The following LINGO2 variants were observed in gnomAD, a reference collection of about 807,000 sequenced individuals.
LINGO2 encodes leucine rich repeat and Ig domain containing 2, also known as leucine-rich repeat and immunoglobulin-like domain-containing nogo receptor-interacting protein 2.
In LINGO2, 14 loss-of-function variants were observed where a neutral mutation model predicts 30.6. The observed-to-expected ratio is 0.46, with a 90% confidence interval of 0.30 to 0.72. The LOEUF (loss-of-function observed/expected upper bound fraction) is 0.72. LINGO2 is among the 30% of genes least tolerant of loss of function. The pLI, the probability that LINGO2 is intolerant of heterozygous loss-of-function variation, is 0.07. For synonymous variants in LINGO2, 317 were observed against 288.5 expected (o/e 1.10, Z -1.00); for missense variants, 729 against 751.7 (o/e 0.97, Z 0.35).
chr9:28,842,059 A>G, the LINGO2 span, among the ~76,000 whole-genome samples: 1 of 151,822 alleles, frequency 6.6e-6, no homozygotes, highest in Non-Finnish European at 1.5e-5. Context: ...CTATGTGGAC[A>G]TATGAAACTG....
chr9:28,544,265 T>G (rs893331378), intron 1 of LINGO2, among the ~76,000 whole-genome samples: 2 of 152,092 alleles, frequency 1.3e-5, no homozygotes, highest in African/African-American at 4.8e-5. Context: ...AATGGCATAA[T>G]TTTGAAGACC....
chr9:28,833,246 C>G, the LINGO2 span, among the ~76,000 whole-genome samples: 3 of 152,146 alleles, frequency 2.0e-5, no homozygotes, highest in African/African-American at 7.2e-5. Flanking sequence ...ATATACCCCT[C>G]TTTTGTAGTA....
the LINGO2 span, among the ~76,000 whole-genome samples, chr9:28,696,735 G>T: frequency 4.0e-5 from 6 of 151,758 alleles, no homozygotes; most frequent in African/African-American, 1.5e-4. Context: ...TATACAAGGA[G>T]GATTCAAACA....
At chr9:29,072,632 A>ATATATATATATAT in the LINGO2 span, among the ~76,000 whole-genome samples, 1 of 112,138 alleles carries the variant, frequency 8.9e-6, no homozygotes, top group Non-Finnish European at 1.9e-5. Context: ...TATATATATC[A>ATATATATATATAT]AGAGTCCTAA....
intron 4 of LINGO2, among the ~76,000 whole-genome samples, chr9:28,153,595 G>A (rs1263060970): frequency 6.6e-6 from 1 of 152,102 alleles, no homozygotes; most frequent in Non-Finnish European, 1.5e-5. Flanking sequence ...TTCAACATTT[G>A]ACCAAAGTGA....
intron 4 of LINGO2, among the ~76,000 whole-genome samples, chr9:28,294,599 C>T (rs777925474): frequency 6.6e-6 from 1 of 152,054 alleles, no homozygotes; most frequent in Non-Finnish European, 1.5e-5. Flanking sequence ...GAAGAGTTTC[C>T]AGCATGTAAT....
At chr9:28,731,970 T>C in the LINGO2 span, among the ~76,000 whole-genome samples, 1 of 152,162 alleles carries the variant, frequency 6.6e-6, no homozygotes, top group Non-Finnish European at 1.5e-5. Context: ...TGCCAATTTA[T>C]TGTTAATGGT....
chr9:29,056,067 T>C, the LINGO2 span, among the ~76,000 whole-genome samples: 2 of 151,948 alleles, frequency 1.3e-5, no homozygotes, highest in African/African-American at 4.8e-5. Flanking sequence ...AATGTTCTGC[T>C]ATAAACATTC....
intron 4 of LINGO2, among the ~76,000 whole-genome samples, chr9:28,211,288 T>C (rs1302911446): frequency 8.1e-6 from 1 of 122,902 alleles, no homozygotes; most frequent in East Asian, 2.4e-4. Context: ...TCCAAATTCC[T>C]TTTTTTTTTT....
At chr9:28,990,874 T>C in the LINGO2 span, among the ~76,000 whole-genome samples, 1 of 151,940 alleles carries the variant, frequency 6.6e-6, no homozygotes, top group Non-Finnish European at 1.5e-5. Context: ...ATCATCACCA[T>C]CATCAAAGAC....
intron 4 of LINGO2, among the ~76,000 whole-genome samples, chr9:28,283,478 T>C (rs1342586837): frequency 6.6e-6 from 1 of 152,138 alleles, no homozygotes; most frequent in Non-Finnish European, 1.5e-5. Context: ...AAAAAGTAAA[T>C]TATACAATAT....
chr9:28,736,797 AATACATACATACATATATAC>A, the LINGO2 span, among the ~76,000 whole-genome samples: 1 of 152,254 alleles, frequency 6.6e-6, no homozygotes, highest in African/African-American at 2.4e-5. Flanking sequence ...TCACAAAATA[AATACATACATACATATATAC>A]ATACATACAT....
chr9:28,077,780 A>G (rs1825667879), intron 4 of LINGO2, among the ~76,000 whole-genome samples: 1 of 145,194 alleles, frequency 6.9e-6, no homozygotes, highest in Non-Finnish European at 1.5e-5. Context: ...ATATGGTTGT[A>G]AAAAAAGAAA....
chr9:28,167,139 A>ACC (rs35331376), intron 4 of LINGO2, among the ~76,000 whole-genome samples: 31 of 105,022 alleles, frequency 3.0e-4, no homozygotes, highest in South Asian at 7.0e-4. Flanking sequence ...TTAATATAGC[A>ACC]CCCCCCCCCC....
rs993668217 is a variant in LINGO2 at position 28,032,844 on chromosome 9, C to T, written c.-86-20439G>A. On this transcript the variant is annotated intron_variant, in intron 4 of 5. Transcript: ENST00000379992. ...AGTAGATGGTGCCACATCAGGGAAA[C>T]ACTGTACAACAGAAGGGATACAATT... Among the ~76,000 whole-genome samples, 9 of 152,308 alleles carry T rather than the reference C, an allele frequency of 5.9e-5. No individual in the cohort carries two copies. The East Asian group carries it at 1.2e-3, about 20-fold the overall frequency.
At chr9:28,639,982 T>C (rs922264896) in intron 1 of LINGO2, among the ~76,000 whole-genome samples, 23 of 152,282 alleles carry the variant, frequency 1.5e-4, no homozygotes, top group Middle Eastern at 6.8e-3. Context: ...CCATGTTTAG[T>C]GCTTCCTTCA....
At chr9:27,945,201 C>A (rs968834738), downstream of LINGO2, among the ~76,000 whole-genome samples, 4 of 152,094 alleles carry the variant, frequency 2.6e-5, no homozygotes, top group African/African-American at 9.7e-5. Context: ...TGGGACTTTA[C>A]TCAATTTTAT....
At chr9:28,632,510 T>G (rs113724035) in intron 1 of LINGO2, among the ~76,000 whole-genome samples, 2,832 of 148,470 alleles carry the variant, frequency 0.019, 62 homozygotes, top group African/African-American at 0.04. Flanking sequence ...CAGAACTAAT[T>G]CTCTCTCTCT....
chr9:28,168,127 T>G (rs1306870317), intron 4 of LINGO2, among the ~76,000 whole-genome samples: 2 of 152,194 alleles, frequency 1.3e-5, no homozygotes, highest in Non-Finnish European at 2.9e-5. Flanking sequence ...GGATGAGAAA[T>G]TGGTGTGCAG....
Sources: gnomAD v4.1 joint callset for allele counts (sites outside exome capture counted in the v4.1 genomes callset) on GRCh38, gnomAD v4.1.1 for gene constraint, MANE v1.5 for transcripts, NCBI Gene and HGNC (gene_info 2026-07-23, HGNC 2026-07-21) for gene names.